The following CD164 variants were observed in gnomAD, a reference collection of about 807,000 sequenced individuals.
CD164 encodes CD164 molecule, also known as sialomucin core protein 24.
In CD164, 11 loss-of-function variants were observed where a neutral mutation model predicts 24.6. That is an observed-to-expected ratio of 0.45 (90% CI 0.28 to 0.74). The LOEUF (loss-of-function observed/expected upper bound fraction) is 0.74. Among genes scored for constraint, CD164 ranks in the 30% least tolerant of loss-of-function variants. The pLI is 0.13. For missense variants in CD164, 295 were observed against 243.7 expected, an observed-to-expected ratio of 1.21 and a Z score of -1.40; for synonymous variants, 126 against 100.3, an observed-to-expected ratio of 1.26 and a Z score of -1.53.
At chr6:109,376,247 G>A (rs760494704) in intron 3 of CD164, 135 bp from the exon 4 acceptor site, 13 of 553,648 alleles carry the variant, frequency 2.3e-5, no homozygotes, top group Middle Eastern at 8.3e-4. Flanking sequence ...ACTACCTGTG[G>A]AAGAGACTGA....
chr6:109,382,418 C>G lies in CD164; in HGVS notation c.-40G>C. 1.4e-6 allele frequency: 2 copies of G among 1,470,002 alleles called. No homozygotes were observed. The highest frequency in any genetic ancestry group is 1.8e-6 in the Non-Finnish European group (2 of 1,106,746). The allele number at this position is 1,470,002 out of a possible 1,614,324, so 91.1% of individuals were successfully genotyped here. A position where few individuals can be genotyped will look rare whatever the true frequency, so the allele number is the denominator to read the frequency against. On this transcript the variant is annotated 5_prime_UTR_variant, in exon 1 of 6. Coordinates refer to ENST00000310786, the MANE Select transcript of CD164 (RefSeq NM_006016.6). ...TGGCGTTCGGGAGAAAGCTAAGGCT[C>G]GCAACGCTCAGTCAACCCCTCAATC...
At chr6:109,373,528 CAA>C (rs1249114426) in intron 4 of CD164, among the ~76,000 whole-genome samples, 2 of 152,096 alleles carry the variant, frequency 1.3e-5, no homozygotes, top group African/African-American at 4.8e-5. Context: ...AGCTATAGCA[CAA>C]AAGACTCATG....
At chr6:109,375,737 G>T (rs574722216) in intron 4 of CD164, 3 of 224,496 alleles carry the variant, frequency 1.3e-5, no homozygotes, top group African/African-American at 2.3e-5. Flanking sequence ...ATTAATCACT[G>T]AAAACATTTT....
chr6:109,382,451 G>T lies in CD164; in HGVS notation c.-73C>A. 3.0e-6 allele frequency: 4 copies of T among 1,354,540 alleles called. No individual in the cohort carries two copies. Among genetic ancestry groups the T allele is most frequent in the Non-Finnish European group, 2.9e-6 (3 of 1,036,238 alleles). The allele number at this position is 1,354,540 out of a possible 1,614,324, so 83.9% of individuals were successfully genotyped here. Reference sequence around the variant, plus strand: ...TCAGTCAACCCCTCAATCCCCTGCGGCGCCGCCTCCGAGACTACGCTCCCC... The same window carrying T: ...TCAGTCAACCCCTCAATCCCCTGCGTCGCCGCCTCCGAGACTACGCTCCCC... On this transcript the variant is annotated 5_prime_UTR_variant, in exon 1 of 6. Coordinates refer to ENST00000310786, the MANE Select transcript of CD164 (RefSeq NM_006016.6).
chr6:109,382,163 T>A (rs1253972776), intron 1 of CD164, 41 bp downstream of exon 1: 3 of 1,447,568 alleles, frequency 2.1e-6, no homozygotes, highest in Non-Finnish European at 2.7e-6. Flanking sequence ...GCGGCTCGGC[T>A]GGGCAGGGGA....
chr6:109,375,617 C>CAAAAAAAAAAAAAAAA (rs58138405), intron 4 of CD164, among the ~76,000 whole-genome samples: 95 of 71,308 alleles, frequency 1.3e-3, no homozygotes, highest in Admixed American at 3.7e-3. Flanking sequence ...ACTTCGCTTC[C>CAAAAAAAAAAAAAAAA]AAAAAAAAAA....
Position 109,379,660 on chromosome 6 carries a change from T to C in CD164, c.178A>G (p.Thr60Ala). 6.2e-7 allele frequency: 1 copy of C among 1,612,140 alleles called. No individual in the cohort carries two copies. Among genetic ancestry groups the C allele is most frequent in the Non-Finnish European group, 8.5e-7 (1 of 1,179,272 alleles). ...LPLVTTPAPE[T>A]CEGRNSCVSC... The stretch of plus-strand genomic sequence containing the variant: ...ACGCAGCTGTTTCGACCTTCACAGG[T>C]TTCTGGGGAGTTGGGGGGAGAGATG... Residue 60 changes from threonine to alanine, a missense_variant and splice_region_variant, in exon 2 of 6, where the codon ACC (threonine) becomes GCC (alanine). Thr to Ala is a moderately conservative substitution (Grantham distance 58). Transcript: ENST00000310786.
Position 109,368,522 on chromosome 6 carries a change from A to T in CD164, c.*329T>A. ...TAAATTTAAACTGCCAAGAGCCATG[A>T]TGTTGTCTGCACAAGACAACATTTT... On this transcript the variant is annotated 3_prime_UTR_variant, in exon 6 of 6. Transcript: ENST00000310786. 1 of 1,362,228 alleles carries T rather than the reference A, an allele frequency of 7.3e-7. No individual in the cohort carries two copies. Among genetic ancestry groups the T allele is most frequent in the South Asian group, 1.9e-5 (1 of 52,160 alleles). 84.4% of individuals were successfully genotyped at this position (1,362,228 alleles called of 1,614,324 possible).
intron 1 of CD164, 120 bp downstream of exon 1, chr6:109,382,084 C>T (rs1771786683): frequency 3.4e-6 from 3 of 883,496 alleles, no homozygotes; most frequent in Non-Finnish European, 4.5e-6. Flanking sequence ...CGCCGCCGCA[C>T]CCCGAGCGCG....
chr6:109,370,441 A>G lies in CD164; in HGVS notation c.397T>C (p.Ser133Pro), dbSNP rs766602425. 8.7e-6 allele frequency: 14 copies of G among 1,613,302 alleles called. No individual in the cohort carries two copies. The Admixed American group carries it at 2.3e-4, about 27-fold the overall frequency. Reference sequence around the variant, plus strand: ...GTAGTAACTGTCTTGGAAGTTGTAGAAGGGGAGGGCTGAACTGTGGGTTTA... The same window carrying G: ...GTAGTAACTGTCTTGGAAGTTGTAGGAGGGGAGGGCTGAACTGTGGGTTTA... ...TAKPTVQPSP[S>P]TTSKTVTTSG... Residue 133 changes from serine (S) to proline (P), a missense_variant, in exon 5 of 6, where the codon TCT becomes CCT. By Grantham distance (74) the Ser-to-Pro change is moderately conservative. Transcript: ENST00000310786.
chr6:109,370,324 G>C, intron 5 of CD164, 87 bp downstream of exon 5: 1 of 1,097,310 alleles, frequency 9.1e-7, no homozygotes, highest in Non-Finnish European at 1.4e-6. Flanking sequence ...CATTAACGAA[G>C]AAAGCTGGAA....
chr6:109,376,239 T>C (rs1053505195), intron 3 of CD164, 127 bp from the exon 4 acceptor site: 42 of 583,376 alleles, frequency 7.2e-5, no homozygotes, highest in Non-Finnish European at 6.8e-5. Context: ...ACTTAAATAC[T>C]ACCTGTGGAA....
At chr6:109,375,164 T>C (rs1399688883) in intron 4 of CD164, among the ~76,000 whole-genome samples, 3 of 152,190 alleles carry the variant, frequency 2.0e-5, no homozygotes, top group Non-Finnish European at 4.4e-5. Context: ...AAAATAATCA[T>C]ACCCTCTGAC....
At chr6:109,375,387 T>C (rs1771335302) in intron 4 of CD164, among the ~76,000 whole-genome samples, 1 of 151,634 alleles carries the variant, frequency 6.6e-6, no homozygotes, top group South Asian at 2.1e-4. Flanking sequence ...GAGTCTGAGG[T>C]AGGCGGATCA....
At chr6:109,379,382 A>C (rs1472307605) in intron 2 of CD164, among the ~76,000 whole-genome samples, 197 bp downstream of exon 2, 2 of 152,230 alleles carry the variant, frequency 1.3e-5, no homozygotes, top group Non-Finnish European at 2.9e-5. Context: ...AGTCTTAAGG[A>C]ATCTAAAGGG....
intron 1 of CD164, chr6:109,381,589 G>T: frequency 1.4e-6 from 1 of 702,490 alleles, no homozygotes; most frequent in Non-Finnish European, 2.6e-6. Flanking sequence ...TTTGAAGTGT[G>T]AAGTTTTCAC....
chr6:109,377,795 A>T, intron 3 of CD164, 105 bp downstream of exon 3: 1 of 786,248 alleles, frequency 1.3e-6, no homozygotes, highest in Non-Finnish European at 2.3e-6. Flanking sequence ...CAAGATGAGA[A>T]TTATGGCAAT....
intron 4 of CD164, among the ~76,000 whole-genome samples, chr6:109,374,592 G>A (rs1771289685): frequency 6.6e-6 from 1 of 152,168 alleles, no homozygotes; most frequent in African/African-American, 2.4e-5. Context: ...TAAAATGCAA[G>A]TCTGATCATA....
At chr6:109,372,455 A>C (rs888128813) in intron 4 of CD164, 8 of 152,186 alleles carry the variant, frequency 5.3e-5, no homozygotes, top group African/African-American at 1.9e-4. Context: ...ATTAATATTG[A>C]TACTACTTAG....
Sources: allele counts gnomAD v4.1 joint callset (sites outside exome capture counted in the v4.1 genomes callset), GRCh38; gene constraint gnomAD v4.1.1; transcripts MANE v1.5; gene names NCBI Gene and HGNC (gene_info 2026-07-23, HGNC 2026-07-21).